Variants in SUCLG2 observed in about 807,000 individuals in gnomAD.
SUCLG2 encodes the protein succinate--CoA ligase [GDP-forming] subunit beta, mitochondrial.
In SUCLG2, 42 loss-of-function variants were observed where a neutral mutation model predicts 47.9. The observed-to-expected ratio is 0.88, with a 90% CI of 0.69 to 1.14. SUCLG2 has a LOEUF of 1.14. Among genes scored for constraint, SUCLG2 ranks in the 50% most tolerant of loss-of-function variants. The pLI is 0.00. For synonymous variants in SUCLG2, 195 were observed against 197.3 expected (o/e 0.99, Z 0.10); for missense variants, 571 against 525.9 (o/e 1.09, Z -0.84).
intron 6 of SUCLG2, among the ~76,000 whole-genome samples, chr3:67,515,358 T>C (rs1038064988): frequency 2.0e-5 from 3 of 152,232 alleles, no homozygotes; most frequent in African/African-American, 4.8e-5. Context: ...GGGGAACTAC[T>C]ATATTAAGCT....
rs542766700 is a variant in SUCLG2 at position 67,551,524 on chromosome 3, G to A, written c.227-22338C>T. Reference sequence around the variant, plus strand: ...CAACTTTGGGCCTCATTAGCAGGCTGAGGCTTATATCAGCACAGCACATCC... The same window carrying A: ...CAACTTTGGGCCTCATTAGCAGGCTAAGGCTTATATCAGCACAGCACATCC... On this transcript the variant is annotated intron_variant, in intron 2 of 10. Transcript: ENST00000307227. Among the ~76,000 whole-genome samples, 7 of 152,248 alleles carry A rather than the reference G, an allele frequency of 4.6e-5. No individual in the cohort carries two copies. The South Asian group carries it at 1.2e-3, about 27-fold the overall frequency.
At chr3:67,493,041 CAACT>C (rs1420482876) in intron 9 of SUCLG2, among the ~76,000 whole-genome samples, 2 of 152,140 alleles carry the variant, frequency 1.3e-5, no homozygotes, top group Non-Finnish European at 2.9e-5. Flanking sequence ...TCTGTGTATT[CAACT>C]AACTAATCCT....
At chr3:67,439,449 T>C (rs1249086454) in intron 9 of SUCLG2, among the ~76,000 whole-genome samples, 4 of 152,254 alleles carry the variant, frequency 2.6e-5, no homozygotes, top group Admixed American at 2.6e-4. Context: ...AAATTGTCTC[T>C]GTTTGCATAT....
chr3:67,633,867 T>A (rs950605376), intron 1 of SUCLG2, among the ~76,000 whole-genome samples: 1 of 152,120 alleles, frequency 6.6e-6, no homozygotes, highest in Non-Finnish European at 1.5e-5. Context: ...TCCAAGACTT[T>A]AAAATATTTT....
chr3:67,430,524 C>T (rs564521898), intron 9 of SUCLG2, among the ~76,000 whole-genome samples: 30 of 152,230 alleles, frequency 2.0e-4, no homozygotes, highest in African/African-American at 7.0e-4. Context: ...GACACCCTAA[C>T]ATCACAATTA....
intron 9 of SUCLG2, among the ~76,000 whole-genome samples, chr3:67,412,097 ACTGT>A (rs1702943594): frequency 6.6e-6 from 1 of 152,112 alleles, no homozygotes; most frequent in African/African-American, 2.4e-5. Flanking sequence ...TACTAATATC[ACTGT>A]CTGACCTTGC....
chr3:67,591,238 A>ATGT (rs1294166300), intron 2 of SUCLG2, among the ~76,000 whole-genome samples: 1 of 152,232 alleles, frequency 6.6e-6, no homozygotes, highest in African/African-American at 2.4e-5. Flanking sequence ...CAAACAGCGC[A>ATGT]TACAAGGAAG....
intron 9 of SUCLG2, among the ~76,000 whole-genome samples, chr3:67,476,123 A>G (rs1293836056): frequency 6.6e-6 from 1 of 152,000 alleles, no homozygotes; most frequent in Non-Finnish European, 1.5e-5. Flanking sequence ...GTTGATTCTG[A>G]GAAACCAAGA....
downstream of SUCLG2, among the ~76,000 whole-genome samples, chr3:67,374,526 A>G (rs1701996403): frequency 6.6e-6 from 1 of 152,122 alleles, no homozygotes; most frequent in South Asian, 2.1e-4. Flanking sequence ...TTTGTGTATA[A>G]CTTTTATGGA....
intron 10 of SUCLG2, among the ~76,000 whole-genome samples, chr3:67,367,586 G>A (rs890439956): frequency 6.6e-6 from 1 of 152,108 alleles, no homozygotes; most frequent in African/African-American, 2.4e-5. Flanking sequence ...GACACTTTGG[G>A]TTGAATAATT....
chr3:67,495,513 G>A (rs1385155652), intron 9 of SUCLG2, among the ~76,000 whole-genome samples: 4 of 151,946 alleles, frequency 2.6e-5, no homozygotes, highest in African/African-American at 9.7e-5. Flanking sequence ...TTAGCTGGGC[G>A]TTGTGGCGTG....
intron 9 of SUCLG2, among the ~76,000 whole-genome samples, chr3:67,420,365 T>C (rs1304893233): frequency 6.6e-6 from 1 of 152,226 alleles, no homozygotes; most frequent in Non-Finnish European, 1.5e-5. Flanking sequence ...GTGAGAAAGA[T>C]AATAATCTAG....
chr3:67,423,598 G>A (rs557640030), intron 9 of SUCLG2, among the ~76,000 whole-genome samples: 2 of 152,000 alleles, frequency 1.3e-5, no homozygotes, highest in African/African-American at 4.8e-5. Context: ...TCACCTCTTG[G>A]AGCCCAAATA....
chr3:67,609,724 AG>A (rs1700494418), intron 1 of SUCLG2, 128 bp from the exon 2 acceptor site: 3 of 830,386 alleles, frequency 3.6e-6, no homozygotes, highest in African/African-American at 2.5e-5. Context: ...GAGAAGCAAA[AG>A]AAAAAAAAAA....
chr3:67,388,979 A>G (rs546311540), intron 10 of SUCLG2, among the ~76,000 whole-genome samples: 2 of 152,246 alleles, frequency 1.3e-5, no homozygotes, highest in South Asian at 4.1e-4. Flanking sequence ...GGGTCGTAAC[A>G]GAGGTAAAAA....
At chr3:67,555,677 G>T (rs1181310451) in intron 2 of SUCLG2, among the ~76,000 whole-genome samples, 1 of 152,152 alleles carries the variant, frequency 6.6e-6, no homozygotes, top group Admixed American at 6.6e-5. Context: ...AATAAAACAA[G>T]AATTCGTAAG....
chr3:67,519,231 G>A (rs1472906612), intron 5 of SUCLG2, among the ~76,000 whole-genome samples: 3 of 152,136 alleles, frequency 2.0e-5, no homozygotes, highest in Non-Finnish European at 4.4e-5. Flanking sequence ...GAGTGGGTGT[G>A]GTGTGTAAGT....
chr3:67,583,566 G>A (rs904901441), intron 2 of SUCLG2, among the ~76,000 whole-genome samples: 2 of 152,162 alleles, frequency 1.3e-5, no homozygotes, highest in South Asian at 2.1e-4. Context: ...CACAGTGTTT[G>A]CAGGTCAGAA....
chr3:67,539,411 A>G (rs1033161884), intron 2 of SUCLG2, among the ~76,000 whole-genome samples: 2 of 152,220 alleles, frequency 1.3e-5, no homozygotes, highest in Non-Finnish European at 2.9e-5. Flanking sequence ...GATGAAGCCT[A>G]CTTCATCGTG....
Sources: allele counts gnomAD v4.1 joint callset (sites outside exome capture counted in the v4.1 genomes callset), GRCh38; gene constraint gnomAD v4.1.1; transcripts MANE v1.5; gene names NCBI Gene and HGNC (gene_info 2026-07-23, HGNC 2026-07-21).